Variants in IPO5 observed in about 807,000 individuals in gnomAD.
IPO5 encodes importin-5.
IPO5 carries 18 observed loss-of-function variants against 143.3 expected under a neutral mutation model. That is an observed-to-expected ratio of 0.13 (90% CI 0.09 to 0.19). IPO5 has a LOEUF of 0.19. IPO5 is among the 10% of genes least tolerant of loss of function. The pLI, the probability that IPO5 is intolerant of heterozygous loss-of-function variation, is 1.00. For missense variants in IPO5, 1,013 were observed against 1,336.9 expected (o/e 0.76, Z 3.78); for synonymous variants, 477 against 465.7 (o/e 1.02, Z -0.31).
At chr13:97,958,082 T>C (rs1478746651) in intron 2 of IPO5, among the ~76,000 whole-genome samples, 1 of 152,142 alleles carries the variant, frequency 6.6e-6, no homozygotes, top group African/African-American at 2.4e-5. Flanking sequence ...TATACTATTA[T>C]ATTTGGACTA....
Position 98,003,005 on chromosome 13 carries a change from C to G in IPO5, c.1465C>G (p.Leu489Val), listed in dbSNP as rs1406941043. 1.9e-6 allele frequency: 3 copies of G among 1,613,216 alleles called. No homozygotes were observed. Among genetic ancestry groups the G allele is most frequent in the South Asian group, 1.1e-5 (1 of 90,830 alleles). The stretch of plus-strand genomic sequence containing the variant: ...ATACTTGGATAATTTGGTGAAACAT[C>G]TGCATTCCATTATGGTACTGAAGCT... ...IPYLDNLVKHLHSIMVLKLQE... is the reference protein window; with the variant it reads ...IPYLDNLVKHVHSIMVLKLQE... The change falls in exon 16 of 29, where the codon CTG (leucine) becomes GTG (valine). Residue 489 changes from leucine to valine, a missense_variant. By Grantham distance (32) the Leu-to-Val change is conservative (BLOSUM62 1). This residue lies in a region of IPO5 where 685 missense variants were observed against 994.9 expected (regional missense o/e 0.69). Coordinates refer to ENST00000651721, the MANE Select transcript of IPO5 (RefSeq NM_002271.6).
At chr13:97,980,205 A>G (rs1285133745) in intron 4 of IPO5, among the ~76,000 whole-genome samples, 1 of 152,230 alleles carries the variant, frequency 6.6e-6, no homozygotes, top group Non-Finnish European at 1.5e-5. Context: ...ATAAAAAGTT[A>G]CCATCCCTGT....
At chr13:97,968,798 C>A (rs72651159) in intron 2 of IPO5, among the ~76,000 whole-genome samples, 7,449 of 152,030 alleles carry the variant, frequency 0.049, 447 homozygotes, top group East Asian at 0.32. Context: ...TCAAACAGTT[C>A]TCGTATCTCA....
At chr13:98,010,281 TG>T in intron 20 of IPO5, 57 bp downstream of exon 20, 1 of 1,487,720 alleles carries the variant, frequency 6.7e-7, no homozygotes, top group East Asian at 2.3e-5. Flanking sequence ...ACATTTCATA[TG>T]AGTGCTTTTA....
chr13:97,963,062 A>G (rs1216080086), intron 2 of IPO5: 1 of 152,188 alleles, frequency 6.6e-6, no homozygotes, highest in African/African-American at 2.4e-5. Context: ...CTTTGCTATT[A>G]AGGCCTTCAA....
chr13:97,959,657 C>T (rs2139479902), intron 2 of IPO5, among the ~76,000 whole-genome samples: 1 of 152,142 alleles, frequency 6.6e-6, no homozygotes, highest in Admixed American at 6.5e-5. Context: ...TTGCTTGAAC[C>T]CGGGAGGCGT....
intron 16 of IPO5, among the ~76,000 whole-genome samples, chr13:98,005,600 C>G (rs1320120062): frequency 6.6e-6 from 1 of 151,928 alleles, no homozygotes; most frequent in African/African-American, 2.4e-5. Context: ...AACACCAGAT[C>G]TTTGGTGCAG....
At chr13:97,990,648 T>A in intron 9 of IPO5, 111 bp downstream of exon 9, 1 of 600,588 alleles carries the variant, frequency 1.7e-6, no homozygotes, top group Non-Finnish European at 2.8e-6. Flanking sequence ...GCGCTAGGCA[T>A]ACAGCAGTGA....
intron 21 of IPO5, among the ~76,000 whole-genome samples, chr13:98,013,234 TTTTG>T (rs1028187145): frequency 2.0e-5 from 3 of 152,104 alleles, no homozygotes; most frequent in South Asian, 2.1e-4. Context: ...TTTTTGTATT[TTTTG>T]TTTGTTTGTT....
chr13:97,988,659 G>C (rs867836473), intron 6 of IPO5, among the ~76,000 whole-genome samples: 6 of 152,126 alleles, frequency 3.9e-5, no homozygotes, highest in Admixed American at 1.3e-4. Context: ...ATGGTGGCAG[G>C]CGCCTGTAAT....
Position 98,023,220 on chromosome 13 carries a change from G to A in IPO5, c.*1398G>A, listed in dbSNP as rs535151362. ...ACAACACCATTGCCCGGAGGCTTCCGAATCTAGCAAAGCAGCATATTAAAT... is the reference window on the plus strand; with the variant it reads ...ACAACACCATTGCCCGGAGGCTTCCAAATCTAGCAAAGCAGCATATTAAAT... On this transcript the variant is annotated 3_prime_UTR_variant, in exon 29 of 29. Transcript: ENST00000651721. 12 of 152,484 alleles carry A rather than the reference G, an allele frequency of 7.9e-5. No homozygotes were observed. In the East Asian group the frequency reaches 1.7e-3, roughly 22 times the overall value. 9.4% of individuals were successfully genotyped at this position (152,484 alleles called of 1,614,324 possible). A position where few individuals can be genotyped will look rare whatever the true frequency, so the allele number is the denominator to read the frequency against.
intron 16 of IPO5, 22 bp downstream of exon 16, chr13:98,003,059 C>T: frequency 6.4e-7 from 1 of 1,571,516 alleles, no homozygotes; most frequent in Non-Finnish European, 8.6e-7. Context: ...GATCTGTAGG[C>T]TGCTTTCTGT....
chr13:98,014,008 T>G (rs1889918328), intron 21 of IPO5, 34 bp from the exon 22 acceptor site: 12 of 1,581,016 alleles, frequency 7.6e-6, no homozygotes, highest in Non-Finnish European at 1.0e-5. Flanking sequence ...AGCAAAATAA[T>G]AAACAGTCTT....
intron 4 of IPO5, chr13:97,981,410 T>G (rs1886838195): frequency 5.8e-6 from 2 of 346,404 alleles, no homozygotes; most frequent in Non-Finnish European, 1.1e-5. Context: ...GGCAAGTCAT[T>G]AACTTATAAG....
chr13:98,015,590 A>G lies in IPO5; in HGVS notation c.2386A>G (p.Ile796Val). The G allele has an allele frequency of 6.2e-7, 1 of 1,612,638 alleles. No homozygotes were observed. The change falls in exon 23 of 29, where the codon ATA becomes GTA. Residue 796 changes from isoleucine (I) to valine (V), a missense_variant. Physicochemically the swap from Ile to Val is conservative, Grantham distance 29. Transcript: ENST00000651721. ...TGAACACTTTGAAGAACTGGGAGGTATATTGAAAGCAAAGCTTGAAGAACA... is the reference window on the plus strand; with the variant it reads ...TGAACACTTTGAAGAACTGGGAGGTGTATTGAAAGCAAAGCTTGAAGAACA... Reference protein sequence around the residue: ...NNEHFEELGGILKAKLEEHFK... With the variant: ...NNEHFEELGGVLKAKLEEHFK...
At chr13:97,987,205 C>G (rs1163514553) in intron 6 of IPO5, 1 of 161,360 alleles carries the variant, frequency 6.2e-6, no homozygotes, top group Non-Finnish European at 1.5e-5. Flanking sequence ...GGGTTTTGTC[C>G]CACTCATCTT....
At chr13:97,988,358 A>C (rs1025412856) in intron 6 of IPO5, among the ~76,000 whole-genome samples, 25 of 152,202 alleles carry the variant, frequency 1.6e-4, no homozygotes, top group African/African-American at 4.3e-4. Flanking sequence ...CTTTGGTTTC[A>C]AGACCTTGCC....
intron 4 of IPO5, chr13:97,980,002 G>T: frequency 2.2e-6 from 1 of 455,098 alleles, no homozygotes; most frequent in Non-Finnish European, 4.4e-6. Flanking sequence ...TTTCTTCTTC[G>T]TGGGCAGGGA....
In IPO5 at chr13:98,021,917, G is replaced by T; in HGVS notation, c.*95G>T. On this transcript the variant is annotated 3_prime_UTR_variant, in exon 29 of 29. Transcript: ENST00000651721. ...GTTTTGTTTTTGAGCAAAAGAGATC[G>T]GTAGTGTTGTGTGTAGGCCATTCTT... 2 of 783,488 alleles carry T rather than the reference G, an allele frequency of 2.6e-6. No homozygotes were observed. The highest frequency in any genetic ancestry group is 4.1e-6 in the Non-Finnish European group (2 of 491,048). 48.5% of individuals were successfully genotyped at this position (783,488 alleles called of 1,614,324 possible). A position where few individuals can be genotyped will look rare whatever the true frequency, so the allele number is the denominator to read the frequency against.
Sources: allele counts gnomAD v4.1 joint callset (sites outside exome capture counted in the v4.1 genomes callset), GRCh38; gene constraint gnomAD v4.1.1; regional missense constraint gnomAD v4.1.1; transcripts MANE v1.5; gene names NCBI Gene and HGNC (gene_info 2026-07-23, HGNC 2026-07-21).